The following LRTM1 variants were observed in gnomAD, a reference collection of about 807,000 sequenced individuals.
The protein encoded by LRTM1 is leucine-rich repeat and transmembrane domain-containing protein 1.
LRTM1 carries 38 observed loss-of-function variants against 32.4 expected under a neutral mutation model. The observed-to-expected ratio is 1.17, with a 90% CI of 0.91 to 1.54. The LOEUF (loss-of-function observed/expected upper bound fraction) is 1.54, where lower values mean the gene tolerates loss of function less well. Ranked by LOEUF, LRTM1 falls within the 40% of genes most tolerant of loss-of-function variation. LRTM1 has a pLI of 0.00. For missense variants in LRTM1, 466 were observed against 415.4 expected (o/e 1.12, Z -1.06); for synonymous variants, 186 against 169.9 (o/e 1.09, Z -0.74).
intron 1 of LRTM1, among the ~76,000 whole-genome samples, chr3:54,933,419 G>C (rs1701254596): frequency 6.6e-6 from 1 of 152,156 alleles, no homozygotes; most frequent in South Asian, 2.1e-4. Context: ...TTTTGGCTGT[G>C]ACCTCTTCTT....
At chr3:54,943,761 C>T (rs1701538330) in intron 1 of LRTM1, among the ~76,000 whole-genome samples, 1 of 152,138 alleles carries the variant, frequency 6.6e-6, no homozygotes, top group Non-Finnish European at 1.5e-5. Flanking sequence ...CTGTGTCATC[C>T]TATTTCAGTC....
intron 1 of LRTM1, among the ~76,000 whole-genome samples, chr3:54,952,998 T>C (rs1223743184): frequency 1.3e-5 from 2 of 152,150 alleles, no homozygotes; most frequent in Non-Finnish European, 1.5e-5. Flanking sequence ...GTGGATGGAT[T>C]GTTGAGCAGG....
At chr3:54,961,215 A>C (rs1424470116) in intron 1 of LRTM1, among the ~76,000 whole-genome samples, 4 of 152,234 alleles carry the variant, frequency 2.6e-5, no homozygotes, top group Non-Finnish European at 4.4e-5. Context: ...AGAAATAAAA[A>C]TTCAGAGACT....
intron 1 of LRTM1, among the ~76,000 whole-genome samples, chr3:54,944,994 T>C (rs1007243798): frequency 2.0e-5 from 3 of 152,338 alleles, no homozygotes; most frequent in Non-Finnish European, 4.4e-5. Flanking sequence ...AAATAGACTT[T>C]ACTATTGGGT....
upstream of LRTM1, among the ~76,000 whole-genome samples, chr3:54,932,395 C>G (rs1701211801): frequency 6.6e-6 from 1 of 152,094 alleles, no homozygotes; most frequent in African/African-American, 2.4e-5. Context: ...AAAGGTCAGT[C>G]ACCAAACTGA....
At chr3:54,962,113 C>T (rs1357844795) in intron 1 of LRTM1, among the ~76,000 whole-genome samples, 6 of 152,082 alleles carry the variant, frequency 3.9e-5, no homozygotes, top group Admixed American at 3.9e-4. Context: ...GGACAGAGTC[C>T]TCGGGACCCA....
In LRTM1 at chr3:54,918,482, G is replaced by A. The variant is rs1254978988; in HGVS notation, c.1015C>T (p.Arg339Ter). 5 of 1,613,558 alleles carry A rather than the reference G, an allele frequency of 3.1e-6. No homozygotes were observed. Among genetic ancestry groups the A allele is most frequent in the East Asian group, 2.2e-5 (1 of 44,844 alleles). ...TCTCAGGCTGGTGAGCTGTCAAATC[G>A]CTCTTTTTCTTCCACCTTCCCAGGA... ...NDPGKVEEKE[R>*]FDSSPA Residue 339 changes from arginine (R) to a stop codon, truncating the protein, a stop_gained, in exon 3 of 3, where the codon CGA (arginine) becomes TGA (stop). Transcript: ENST00000273286. LOFTEE classifies it high-confidence loss of function.
chr3:54,937,278 C>T (rs527772087), intron 1 of LRTM1, among the ~76,000 whole-genome samples: 1 of 152,292 alleles, frequency 6.6e-6, no homozygotes, highest in South Asian at 2.1e-4. Flanking sequence ...TAAGACACAG[C>T]TCAATGAATG....
In LRTM1 at chr3:54,918,321, CT is replaced by C. The variant is rs60257399; in HGVS notation, c.*137del. On this transcript the variant is annotated 3_prime_UTR_variant, in exon 3 of 3. Coordinates refer to ENST00000273286, the MANE Select transcript of LRTM1 (RefSeq NM_020678.4). ...CCAGAAATATTTTTTACAGACACAT[CT>C]TTTTTTTTTCTTTTTTTTTTTTTTT... is the stretch of plus-strand genomic sequence containing the variant. 0.39 allele frequency: 151,738 copies of C among 390,586 alleles called. 44,813 individuals carry two copies. The highest frequency in any genetic ancestry group is 0.74 in the East Asian group (14,384 of 19,404). 24.2% of individuals were successfully genotyped at this position (390,586 alleles called of 1,614,324 possible). A position where few individuals can be genotyped will look rare whatever the true frequency, so the allele number is the denominator to read the frequency against.
upstream of LRTM1, among the ~76,000 whole-genome samples, chr3:54,928,518 C>T (rs1382108637): frequency 1.3e-5 from 2 of 152,126 alleles, no homozygotes; most frequent in African/African-American, 4.8e-5. Flanking sequence ...CGGTTTGCAC[C>T]GTGCACTTCT....
upstream of LRTM1, among the ~76,000 whole-genome samples, chr3:54,929,395 T>C (rs77714984): frequency 0.037 from 5,614 of 152,278 alleles, 308 homozygotes; most frequent in African/African-American, 0.12. Context: ...GAGGGAGGTC[T>C]TGACAGAGGG....
chr3:54,944,335 A>G lies in LRTM1; in HGVS notation c.-221-19120T>C, dbSNP rs559253441. Among the ~76,000 whole-genome samples, 10 of 151,952 alleles carry G rather than the reference A, an allele frequency of 6.6e-5. No homozygotes were observed. In the East Asian group the frequency reaches 1.7e-3, roughly 26 times the overall value. On this transcript the variant is annotated intron_variant, in intron 1 of 2. Transcript: ENST00000493075. ...CTGCCACGTTTTCTTTTCCCAACAT[A>G]TATCTTTCTACTTTTAAATTCATTT... is the stretch of plus-strand genomic sequence containing the variant.
chr3:54,964,129 G>T (rs538887503), intron 1 of LRTM1, among the ~76,000 whole-genome samples: 26 of 152,100 alleles, frequency 1.7e-4, no homozygotes, highest in South Asian at 6.3e-4. Context: ...AGTATCTTGG[G>T]GTCGCTGTCC....
chr3:54,930,961 T>TG (rs1277459712), upstream of LRTM1, among the ~76,000 whole-genome samples: 1 of 152,130 alleles, frequency 6.6e-6, no homozygotes, highest in Non-Finnish European at 1.5e-5. Flanking sequence ...CTGGGCGTGA[T>TG]GGTGGCCTTC....
chr3:54,957,112 T>C (rs1701916578), intron 1 of LRTM1, among the ~76,000 whole-genome samples: 1 of 152,202 alleles, frequency 6.6e-6, no homozygotes, highest in Admixed American at 6.5e-5. Flanking sequence ...TTATTACTAC[T>C]GCTATGATTA....
intron 1 of LRTM1, among the ~76,000 whole-genome samples, chr3:54,955,468 GA>G (rs148881229): frequency 6.6e-6 from 1 of 151,698 alleles, no homozygotes; most frequent in Non-Finnish European, 1.5e-5. Context: ...AAAGAAAAAA[GA>G]AAAAAAAGCT....
At chr3:54,965,981 G>A (rs749173497) in intron 1 of LRTM1, among the ~76,000 whole-genome samples, 3 of 152,170 alleles carry the variant, frequency 2.0e-5, no homozygotes, top group Non-Finnish European at 4.4e-5. Flanking sequence ...ACTGACTCAT[G>A]AGGAAAGATG....
At chr3:54,943,633 A>C (rs1701534263) in intron 1 of LRTM1, among the ~76,000 whole-genome samples, 1 of 151,748 alleles carries the variant, frequency 6.6e-6, no homozygotes. Flanking sequence ...TTTTCCTTCT[A>C]CTCATCTTAA....
rs747379943 is a variant in LRTM1 at position 54,924,731 on chromosome 3, C to G, written c.492G>C (p.Ala164=). The change falls in exon 2 of 3, where the codon GCG becomes GCC. Residue 164 remains alanine, a synonymous_variant. Coordinates refer to ENST00000273286, the MANE Select transcript of LRTM1 (RefSeq NM_020678.4). ...QQNQLQQLDR[A]LLESMPSVRL... ...TCACACTGGGCATGGATTCCAGGAGCGCTCGATCAAGCTGCTGAAGCTGGT... is the reference window on the plus strand; with the variant it reads ...TCACACTGGGCATGGATTCCAGGAGGGCTCGATCAAGCTGCTGAAGCTGGT... 1.2e-6 allele frequency: 2 copies of G among 1,614,100 alleles called. No individual in the cohort carries two copies. Among genetic ancestry groups the G allele is most frequent in the Non-Finnish European group, 1.7e-6 (2 of 1,180,020 alleles).
Sources: allele counts gnomAD v4.1 joint callset (sites outside exome capture counted in the v4.1 genomes callset), GRCh38; gene constraint gnomAD v4.1.1; transcripts MANE v1.5; gene names NCBI Gene and HGNC (gene_info 2026-07-23, HGNC 2026-07-21).